The following PLCB4 variants were observed in gnomAD, a reference collection of about 807,000 sequenced individuals.
PLCB4 encodes the protein 1-phosphatidylinositol 4,5-bisphosphate phosphodiesterase beta-4.
A neutral mutation model predicts 178.8 loss-of-function variants in PLCB4; 77 were observed. That is an observed-to-expected ratio of 0.43 (90% CI 0.36 to 0.52). PLCB4 has a LOEUF of 0.52. PLCB4 is among the 20% of genes least tolerant of loss of function. PLCB4 has a pLI of 0.00. For synonymous variants in PLCB4, 496 were observed against 490.8 expected (o/e 1.01, Z -0.14); for missense variants, 1,024 against 1,453.4 (o/e 0.70, Z 4.80).
chr20:9,431,650 T>G lies in PLCB4; in HGVS notation c.2525-3910T>G, dbSNP rs146694230. On this transcript the variant is annotated intron_variant, in intron 28 of 39. Transcript: ENST00000378473. The stretch of plus-strand genomic sequence containing the variant: ...GGGGCCAATTTGTGTGTGTGTGTGT[T>G]TGTGTGTGTGTGTGTGTGTGTGTGT... 9.0e-5 allele frequency among the ~76,000 whole-genome samples: 13 copies of G among 144,264 alleles called. No homozygotes were observed. The East Asian group carries it at 1.9e-3, about 21-fold the overall frequency. 94.6% of individuals were successfully genotyped at this position (144,264 alleles called of 152,430 possible). A position where few individuals can be genotyped will look rare whatever the true frequency, so the allele number is the denominator to read the frequency against.
intron 36 of PLCB4, among the ~76,000 whole-genome samples, chr20:9,469,363 C>T (rs951499624): frequency 6.6e-6 from 1 of 152,184 alleles, no homozygotes; most frequent in Admixed American, 6.5e-5. Context: ...GGTGTCAGTC[C>T]GTTCTGGATG....
chr20:9,416,599 G>A (rs1474098365), intron 25 of PLCB4, among the ~76,000 whole-genome samples: 1 of 152,092 alleles, frequency 6.6e-6, no homozygotes, highest in Non-Finnish European at 1.5e-5. Flanking sequence ...TTTCCATCCT[G>A]ATTCTTTACC....
chr20:9,172,164 A>G (rs1009011716), intron 2 of PLCB4, among the ~76,000 whole-genome samples: 1 of 152,194 alleles, frequency 6.6e-6, no homozygotes, highest in African/African-American at 2.4e-5. Context: ...ATTTTGTAGA[A>G]TGACTCCATA....
intron 3 of PLCB4, among the ~76,000 whole-genome samples, chr20:9,268,771 T>C (rs1028656632): frequency 7.9e-5 from 12 of 152,192 alleles, no homozygotes; most frequent in African/African-American, 2.9e-4. Context: ...AAAGAAACTA[T>C]ATAATTAGCA....
intron 2 of PLCB4, among the ~76,000 whole-genome samples, chr20:9,139,776 T>G (rs1228539408): frequency 6.6e-6 from 1 of 152,052 alleles, no homozygotes; most frequent in Non-Finnish European, 1.5e-5. Context: ...TCACGGAAAC[T>G]TTCATAAGTG....
intron 35 of PLCB4, among the ~76,000 whole-genome samples, chr20:9,464,653 C>T (rs2043641882): frequency 6.6e-6 from 1 of 152,116 alleles, no homozygotes; most frequent in South Asian, 2.1e-4. Context: ...ACTATAAACA[C>T]CTCTATGCAA....
chr20:9,390,676 A>C, intron 17 of PLCB4, 61 bp downstream of exon 17: 1 of 802,636 alleles, frequency 1.2e-6, no homozygotes, highest in East Asian at 2.5e-5. Flanking sequence ...AAATTTCTGA[A>C]GGGTCAAGTA....
At chr20:9,457,777 A>G (rs2043146303) in intron 34 of PLCB4, among the ~76,000 whole-genome samples, 1 of 152,238 alleles carries the variant, frequency 6.6e-6, no homozygotes, top group Admixed American at 6.5e-5. Context: ...AAATGAAGAT[A>G]CTAAAAGGAA....
intron 1 of PLCB4, among the ~76,000 whole-genome samples, chr20:9,079,222 C>A (rs867306141): frequency 6.6e-6 from 1 of 152,192 alleles, no homozygotes; most frequent in Non-Finnish European, 1.5e-5. Flanking sequence ...CTGTATCATT[C>A]AGGGCCCTGC....
At chr20:9,289,348 C>T (rs140852324) in intron 3 of PLCB4, among the ~76,000 whole-genome samples, 1 of 151,908 alleles carries the variant, frequency 6.6e-6, no homozygotes, top group East Asian at 1.9e-4. Context: ...TTGGAACACT[C>T]TACAAACAAA....
At chr20:9,104,026 G>A (rs1389932197) in intron 2 of PLCB4, among the ~76,000 whole-genome samples, 1 of 152,062 alleles carries the variant, frequency 6.6e-6, no homozygotes, top group Non-Finnish European at 1.5e-5. Context: ...GAAACTAAGT[G>A]CTTGAAACAG....
At chr20:9,470,505 A>C (rs1021360564) in intron 36 of PLCB4, among the ~76,000 whole-genome samples, 4 of 152,196 alleles carry the variant, frequency 2.6e-5, no homozygotes, top group African/African-American at 7.2e-5. Context: ...TCCAAAGTGA[A>C]ATATAGAATT....
rs138635095 is a variant in PLCB4 at position 9,133,689 on chromosome 20, G to A, written c.-79+37347G>A. On this transcript the variant is annotated intron_variant, in intron 2 of 39. Transcript: ENST00000378473. ...TGAATGTTTGCGTGAGACCACTACCGGAAAAGGGGCTGAAGCTGCATAAGT... is the reference window on the plus strand; with the variant it reads ...TGAATGTTTGCGTGAGACCACTACCAGAAAAGGGGCTGAAGCTGCATAAGT... 4.6e-3 allele frequency among the ~76,000 whole-genome samples: 705 copies of A among 152,268 alleles called. 2 individuals are homozygous for A. Among genetic ancestry groups the A allele is most frequent in the Non-Finnish European group, 6.9e-3 (469 of 68,002 alleles).
chr20:9,177,814 C>T (rs6056450), intron 2 of PLCB4, among the ~76,000 whole-genome samples: 31,078 of 152,138 alleles, frequency 0.2, 3,241 homozygotes, highest in African/African-American at 0.25. Flanking sequence ...TAAACTTTTA[C>T]GTATACCCTT....
chr20:9,250,391 G>A (rs1274400294), intron 3 of PLCB4, among the ~76,000 whole-genome samples: 1 of 152,196 alleles, frequency 6.6e-6, no homozygotes, highest in Non-Finnish European at 1.5e-5. Context: ...TTTCTATGAA[G>A]CACTCTTAAG....
chr20:9,252,465 T>C (rs543708080), intron 3 of PLCB4, among the ~76,000 whole-genome samples: 1 of 152,322 alleles, frequency 6.6e-6, no homozygotes, highest in Admixed American at 6.5e-5. Flanking sequence ...ATGTGGGAAC[T>C]TTAGAAAATA....
At position 9,206,148 on chromosome 20, in the gene PLCB4, C is replaced by G. The variant is rs189021134; in HGVS notation, c.-78-11242C>G. On this transcript the variant is annotated intron_variant, in intron 2 of 39. Transcript: ENST00000378473. ...GATTTTCATGGAACTTTAGGTATTC[C>G]TGTGTTAAATGGTGTATTTTGTTCT... Among the ~76,000 whole-genome samples, 157 of 152,094 alleles carry G rather than the reference C, an allele frequency of 1.0e-3. 1 individual carries two copies. The highest frequency in any genetic ancestry group is 1.9e-3 in the Non-Finnish European group (127 of 68,010).
In PLCB4 at chr20:9,271,987, G is replaced by T. The variant is rs540136729; in HGVS notation, c.-15-35813G>T. On this transcript the variant is annotated intron_variant, in intron 3 of 39. Coordinates refer to ENST00000378473, the MANE Select transcript of PLCB4 (RefSeq NM_001377142.1). ...GCCCAGGAGTTCAGGACCTCAGCCT[G>T]GGCAACACAGCAAGATCCTATGTCT... 3.4e-4 allele frequency among the ~76,000 whole-genome samples: 51 copies of T among 151,812 alleles called. 1 individual carries two copies. Among genetic ancestry groups the T allele is most frequent in the African/African-American group, 1.2e-3 (48 of 41,426 alleles).
intron 26 of PLCB4, 104 bp from the exon 27 acceptor site, chr20:9,421,193 C>A: frequency 2.4e-6 from 2 of 822,700 alleles, no homozygotes; most frequent in Non-Finnish European, 1.9e-6. Context: ...AATTGAAATT[C>A]CTGCTCCCAC....
Sources: allele counts gnomAD v4.1 joint callset (sites outside exome capture counted in the v4.1 genomes callset), GRCh38; gene constraint gnomAD v4.1.1; transcripts MANE v1.5; gene names NCBI Gene and HGNC (gene_info 2026-07-23, HGNC 2026-07-21).